The following HPSE2 variants were observed in gnomAD, a reference collection of about 807,000 sequenced individuals.
HPSE2 encodes heparanase 2 (inactive).
In HPSE2, 38 loss-of-function variants were observed where a neutral mutation model predicts 60.5. That is an observed-to-expected ratio of 0.63 (90% CI 0.48 to 0.82). The LOEUF (loss-of-function observed/expected upper bound fraction) is 0.82. Ranked by LOEUF, HPSE2 falls within the 40% of genes least tolerant of loss-of-function variation. HPSE2 has a pLI of 0.00. For missense variants in HPSE2, 713 were observed against 740.4 expected (o/e 0.96, Z 0.43); for synonymous variants, 295 against 293.2 (o/e 1.01, Z -0.06).
At chr10:98,652,045 A>G (rs1946930953) in intron 6 of HPSE2, among the ~76,000 whole-genome samples, 1 of 152,228 alleles carries the variant, frequency 6.6e-6, no homozygotes, top group South Asian at 2.1e-4. Context: ...TGCTGGGATT[A>G]CATGTGTGAG....
chr10:98,606,058 T>G (rs1442125064), intron 9 of HPSE2, among the ~76,000 whole-genome samples: 1 of 152,214 alleles, frequency 6.6e-6, no homozygotes, highest in East Asian at 1.9e-4. Context: ...TTAGTTTACT[T>G]GTTTATTTTT....
At chr10:98,795,146 C>T (rs1295729039) in intron 3 of HPSE2, among the ~76,000 whole-genome samples, 3 of 152,070 alleles carry the variant, frequency 2.0e-5, no homozygotes, top group Non-Finnish European at 4.4e-5. Context: ...CTCCCTGTCC[C>T]CCATCCCAAG....
rs3979238 is a variant in HPSE2, at chr10:98,887,920, T to TATAATAATA, written c.611-143873_611-143865dup. 4.2e-3 allele frequency among the ~76,000 whole-genome samples: 616 copies of TATAATAATA among 147,568 alleles called. 1 individual carries two copies. The highest frequency in any genetic ancestry group is 5.7e-3 in the African/African-American group (229 of 40,388). On this transcript the variant is annotated intron_variant, in intron 3 of 11. Transcript: ENST00000370552. ...GTATACAGTACCCTAAAACTTAATG[T>TATAATAATA]ATAATAATAATAATAAAATAAAAAA...
chr10:99,307,851 C>CACT, the HPSE2 span, among the ~76,000 whole-genome samples: 1 of 151,846 alleles, frequency 6.6e-6, no homozygotes, highest in Non-Finnish European at 1.5e-5. Flanking sequence ...CACACACACA[C>CACT]ACACACACAC....
At chr10:98,498,692 A>T (rs1941932656) in intron 9 of HPSE2, among the ~76,000 whole-genome samples, 1 of 152,248 alleles carries the variant, frequency 6.6e-6, no homozygotes, top group Non-Finnish European at 1.5e-5. Flanking sequence ...GTTAGTTATT[A>T]AACTAATCAG....
chr10:98,893,221 C>T (rs998070419), intron 3 of HPSE2, among the ~76,000 whole-genome samples: 7 of 152,064 alleles, frequency 4.6e-5, no homozygotes, highest in African/African-American at 1.4e-4. Flanking sequence ...GCATGCACTA[C>T]CACACCTGGC....
At chr10:99,028,542 T>A (rs1957428524) in intron 3 of HPSE2, among the ~76,000 whole-genome samples, 1 of 152,100 alleles carries the variant, frequency 6.6e-6, no homozygotes, top group Non-Finnish European at 1.5e-5. Flanking sequence ...TCAATATTGT[T>A]AAAATGTTCA....
chr10:98,826,004 A>T (rs570771095), intron 3 of HPSE2, among the ~76,000 whole-genome samples: 1 of 152,168 alleles, frequency 6.6e-6, no homozygotes, highest in Non-Finnish European at 1.5e-5. Context: ...ATTACCCTTA[A>T]TTAAATTCAG....
At chr10:99,057,497 C>T (rs991748893) in intron 3 of HPSE2, among the ~76,000 whole-genome samples, 14 of 152,278 alleles carry the variant, frequency 9.2e-5, no homozygotes, top group Middle Eastern at 6.8e-3. Context: ...TGCTTCTTCC[C>T]TTAACCACCG....
intron 3 of HPSE2, among the ~76,000 whole-genome samples, chr10:98,944,205 G>A (rs944793041): frequency 2.0e-5 from 3 of 152,078 alleles, no homozygotes; most frequent in Admixed American, 6.6e-5. Flanking sequence ...GAGTCCATAA[G>A]TGCCCAGATG....
At chr10:99,083,607 C>T (rs903073908) in intron 3 of HPSE2, among the ~76,000 whole-genome samples, 2 of 152,122 alleles carry the variant, frequency 1.3e-5, no homozygotes, top group African/African-American at 4.8e-5. Flanking sequence ...TGACATGGTA[C>T]CCCAGATTTA....
At chr10:98,781,212 T>A (rs1170969777) in intron 3 of HPSE2, among the ~76,000 whole-genome samples, 1 of 151,570 alleles carries the variant, frequency 6.6e-6, no homozygotes, top group African/African-American at 2.4e-5. Context: ...TATTAATACA[T>A]CTTGCTTGGC....
intron 9 of HPSE2, among the ~76,000 whole-genome samples, chr10:98,587,979 T>C (rs755251099): frequency 3.7e-4 from 56 of 152,244 alleles, no homozygotes; most frequent in African/African-American, 2.7e-4. Context: ...ATTCTCTATA[T>C]ATCATGCTGC....
At chr10:99,315,213 T>C in the HPSE2 span, among the ~76,000 whole-genome samples, 1 of 152,218 alleles carries the variant, frequency 6.6e-6, no homozygotes, top group Non-Finnish European at 1.5e-5. Flanking sequence ...AGCAAAAATA[T>C]TTCTACATAC....
At chr10:98,581,170 T>G (rs1944788434) in intron 9 of HPSE2, among the ~76,000 whole-genome samples, 1 of 151,970 alleles carries the variant, frequency 6.6e-6, no homozygotes, top group Non-Finnish European at 1.5e-5. Flanking sequence ...CCCAAAGTGT[T>G]GGGAATACAG....
At chr10:98,658,672 A>G (rs990275837) in intron 6 of HPSE2, among the ~76,000 whole-genome samples, 1 of 152,174 alleles carries the variant, frequency 6.6e-6, no homozygotes, top group Non-Finnish European at 1.5e-5. Flanking sequence ...CTTTCACACA[A>G]TACTTTTATA....
chr10:99,209,599 T>A (rs1329429852), intron 2 of HPSE2, among the ~76,000 whole-genome samples: 1 of 151,922 alleles, frequency 6.6e-6, no homozygotes, highest in Admixed American at 6.6e-5. Flanking sequence ...AGGCCCAAAG[T>A]TAGTAGAAGG....
chr10:99,087,169 G>A (rs1843349468), intron 3 of HPSE2, among the ~76,000 whole-genome samples: 1 of 152,204 alleles, frequency 6.6e-6, no homozygotes, highest in Non-Finnish European at 1.5e-5. Context: ...GAAAAATCAT[G>A]TGTACTTTCA....
In HPSE2 at chr10:98,767,868, T is replaced by C. The variant is rs979120789; in HGVS notation, c.611-23812A>G. Among the ~76,000 whole-genome samples, 25 of 147,186 alleles carry C rather than the reference T, an allele frequency of 1.7e-4. No homozygotes were observed. The East Asian group carries it at 1.8e-3, about 10-fold the overall frequency. On this transcript the variant is annotated intron_variant, in intron 3 of 11. Transcript: ENST00000370552. ...TTATATCCTTGAAAGACATATGTTC[T>C]ATATAAACATTTATATAGAAATATA...
Sources: gnomAD v4.1 joint callset for allele counts (sites outside exome capture counted in the v4.1 genomes callset) on GRCh38, gnomAD v4.1.1 for gene constraint, MANE v1.5 for transcripts, NCBI Gene and HGNC (gene_info 2026-07-23, HGNC 2026-07-21) for gene names.